The following TMEM255B variants were observed in gnomAD, a reference collection of about 807,000 sequenced individuals.
TMEM255B encodes the protein transmembrane protein 255B, also known as family with sequence similarity 70, member B.
In TMEM255B, 35 loss-of-function variants were observed where a neutral mutation model predicts 34.5. The observed-to-expected ratio is 1.01, with a 90% CI of 0.77 to 1.34. The LOEUF (loss-of-function observed/expected upper bound fraction) is 1.34, where lower values mean the gene tolerates loss of function less well. Ranked by LOEUF, TMEM255B falls within the 40% of genes most tolerant of loss-of-function variation. The pLI is 0.00. For missense variants in TMEM255B, 432 were observed against 433.2 expected (o/e 1.00, Z 0.02); for synonymous variants, 206 against 201.2 (o/e 1.02, Z -0.20).
chr13:113,786,459 CCAT>C (rs1456132319), intron 3 of TMEM255B, among the ~76,000 whole-genome samples: 1 of 151,842 alleles, frequency 6.6e-6, no homozygotes, highest in African/African-American at 2.4e-5. Flanking sequence ...ATCACCATCA[CCAT>C]CATCAGTGTC....
At position 113,800,812 on chromosome 13, in the gene TMEM255B, G is replaced by T; in HGVS notation, c.424-15G>T. ...GGGCACCGGCATGTGACCTGACAAG[G>T]CCTCTCTGCCCCAGGTCACCTGTCA... On this transcript the variant is annotated splice_polypyrimidine_tract_variant and intron_variant, in intron 5 of 8. Transcript: ENST00000375353. 6.3e-7 allele frequency: 1 copy of T among 1,598,218 alleles called. No individual in the cohort carries two copies. Among genetic ancestry groups the T allele is most frequent in the South Asian group, 1.1e-5 (1 of 88,400 alleles).
At chr13:113,771,403 C>T (rs557801228) in intron 3 of TMEM255B, among the ~76,000 whole-genome samples, 9 of 152,248 alleles carry the variant, frequency 5.9e-5, no homozygotes, top group South Asian at 4.1e-4. Flanking sequence ...CTATATGGGC[C>T]GGACACGGTG....
intron 2 of TMEM255B, chr13:113,768,354 G>A (rs748362547): frequency 4.7e-6 from 2 of 427,714 alleles, no homozygotes; most frequent in South Asian, 1.7e-5. Context: ...GGCCCTGGGT[G>A]GAGGGTGCGG....
intron 3 of TMEM255B, among the ~76,000 whole-genome samples, chr13:113,792,362 C>T (rs7491764): frequency 2.6e-5 from 4 of 152,088 alleles, no homozygotes; most frequent in African/African-American, 7.2e-5. Flanking sequence ...ACCTTCTGAC[C>T]GTAACATGGT....
At chr13:113,781,429 A>G (rs1051885667) in intron 3 of TMEM255B, among the ~76,000 whole-genome samples, 1 of 152,240 alleles carries the variant, frequency 6.6e-6, no homozygotes, top group East Asian at 1.9e-4. Context: ...GCCTCCTTAT[A>G]ATCTTTTTAC....
In TMEM255B at chr13:113,787,083, CAT is replaced by C. The variant is rs150111846; in HGVS notation, c.253-8064_253-8063del. ...GACTCTGACACTTTAATGAACAGAACATGTGAAAATATGTCATAATTAAATAA... is the reference window on the plus strand; with the variant it reads ...GACTCTGACACTTTAATGAACAGAACGTGAAAATATGTCATAATTAAATAA... On this transcript the variant is annotated intron_variant, in intron 3 of 8. Coordinates refer to ENST00000375353, the MANE Select transcript of TMEM255B (RefSeq NM_182614.4). Among the ~76,000 whole-genome samples the C allele has an allele frequency of 1.7e-3, 260 of 152,278 alleles. 1 individual carries two copies. Among genetic ancestry groups the C allele is most frequent in the African/African-American group, 5.9e-3 (246 of 41,556 alleles).
chr13:113,763,105 C>G (rs1012924188), intron 1 of TMEM255B, among the ~76,000 whole-genome samples: 9 of 152,144 alleles, frequency 5.9e-5, no homozygotes, highest in African/African-American at 2.2e-4. Context: ...GCTGCATTGG[C>G]AGGTGTTACA....
chr13:113,811,087 C>T (rs879563037), intron 8 of TMEM255B, among the ~76,000 whole-genome samples: 2 of 152,030 alleles, frequency 1.3e-5, no homozygotes, highest in Non-Finnish European at 1.5e-5. Flanking sequence ...AGGCCCCGGC[C>T]ACCCTCTCCT....
chr13:113,794,814 CAT>C (rs1401184774), intron 3 of TMEM255B, among the ~76,000 whole-genome samples: 2 of 152,242 alleles, frequency 1.3e-5, no homozygotes, highest in African/African-American at 4.8e-5. Flanking sequence ...CAAGCATGCA[CAT>C]GTGTGTGCGT....
intron 4 of TMEM255B, among the ~76,000 whole-genome samples, chr13:113,796,082 G>C (rs1331141080): frequency 1.3e-4 from 12 of 95,162 alleles, no homozygotes; most frequent in South Asian, 3.6e-4. Flanking sequence ...ACACACAACA[G>C]AGCACACAGC....
At chr13:113,792,042 G>A (rs1243099382) in intron 3 of TMEM255B, among the ~76,000 whole-genome samples, 2 of 152,374 alleles carry the variant, frequency 1.3e-5, no homozygotes, top group African/African-American at 2.4e-5. Context: ...ACGCGGCCCC[G>A]CTGGAGGCCG....
rs1361190778 is a variant in TMEM255B, at chr13:113,805,732, G to A, written c.813+704G>A. On this transcript the variant is annotated intron_variant, in intron 8 of 8. Coordinates refer to ENST00000375353, the MANE Select transcript of TMEM255B (RefSeq NM_182614.4). Reference sequence around the variant, plus strand: ...CCTCTGCCTGCGGCATATCAGAGCCGCCGGTGTGACAACCCAAACTCTCCG... The same window carrying A: ...CCTCTGCCTGCGGCATATCAGAGCCACCGGTGTGACAACCCAAACTCTCCG... Among the ~76,000 whole-genome samples, 9 of 152,324 alleles carry A rather than the reference G, an allele frequency of 5.9e-5. No individual in the cohort carries two copies. The East Asian group carries it at 7.7e-4, about 13-fold the overall frequency.
At chr13:113,801,891 G>T in intron 7 of TMEM255B, 79 bp downstream of exon 7, 1 of 1,413,198 alleles carries the variant, frequency 7.1e-7, no homozygotes, top group Middle Eastern at 2.5e-4. Flanking sequence ...GGGCTGGGGG[G>T]CCTCCAGCCC....
At chr13:113,763,124 G>C (rs2050334663) in intron 1 of TMEM255B, among the ~76,000 whole-genome samples, 1 of 152,178 alleles carries the variant, frequency 6.6e-6, no homozygotes, top group African/African-American at 2.4e-5. Flanking sequence ...CATGGAGGCT[G>C]GTGAGGGTGA....
rs1204021667 is a variant in TMEM255B, at chr13:113,812,953, TGGGTCACGGGCCC to T, written c.*1051_*1063del. On this transcript the variant is annotated 3_prime_UTR_variant, in exon 9 of 9. Coordinates refer to ENST00000375353, the MANE Select transcript of TMEM255B (RefSeq NM_182614.4). ...TCCCGGGTGGGTCACGGGTCCCGGG[TGGGTCACGGGCCC>T]CGGGTGGGTCACGGGTCCCGGGTGG... The T allele has an allele frequency of 1.4e-4, 19 of 138,850 alleles. No homozygotes were observed. The highest frequency in any genetic ancestry group is 5.4e-4 in the African/African-American group (19 of 35,136). 8.6% of individuals were successfully genotyped at this position (138,850 alleles called of 1,614,324 possible).
Position 113,801,772 on chromosome 13 carries a change from G to C in TMEM255B, c.629G>C (p.Gly210Ala). The stretch of plus-strand genomic sequence containing the variant: ...CTGAACGTCCTGGGCCTGTTCCTGG[G>C]CATCATCACCGCCGCCGTCCTGGGG... Reference protein sequence around the residue: ...AVLNVLGLFLGIITAAVLGAF... With the variant: ...AVLNVLGLFLAIITAAVLGAF... The change falls in exon 7 of 9, where the codon GGC (glycine) becomes GCC (alanine). Residue 210 changes from glycine (G) to alanine (A), a missense_variant. Coordinates refer to ENST00000375353, the MANE Select transcript of TMEM255B (RefSeq NM_182614.4). 1.9e-6 allele frequency: 3 copies of C among 1,612,404 alleles called. No individual in the cohort carries two copies. The highest frequency in any genetic ancestry group is 2.5e-6 in the Non-Finnish European group (3 of 1,179,354).
chr13:113,767,061 A>G (rs2050404262), intron 2 of TMEM255B, among the ~76,000 whole-genome samples: 1 of 152,232 alleles, frequency 6.6e-6, no homozygotes. Context: ...CTACGTCATA[A>G]AGTGCTAAAG....
In TMEM255B at chr13:113,769,318, G is replaced by T. The variant is rs1407166660; in HGVS notation, c.252+158G>T. Among the ~76,000 whole-genome samples the T allele has an allele frequency of 2.0e-5, 3 of 152,160 alleles. No homozygotes were observed. Among genetic ancestry groups the T allele is most frequent in the African/African-American group, 7.2e-5 (3 of 41,430 alleles). On this transcript the variant is annotated intron_variant, in intron 3 of 8. Coordinates refer to ENST00000375353, the MANE Select transcript of TMEM255B (RefSeq NM_182614.4). This position sits in a 1 kb window ranked among gnomAD's most constrained non-coding sequence, Gnocchi z 4.2. ...CCGGGCTGTGGCCTGCACAGTCCTG[G>T]ATACAGGGTTCAGCGAGTACCATTC...
rs985523869 is a variant in TMEM255B, at chr13:113,769,385, A to G, written c.252+225A>G. 1.3e-5 allele frequency among the ~76,000 whole-genome samples: 2 copies of G among 152,212 alleles called. No individual in the cohort carries two copies. The highest frequency in any genetic ancestry group is 1.9e-4 in the East Asian group (1 of 5,192). ...GAGCATGGCCCTGGGTTGCTGGTGT[A>G]TCAACCTCACGTGGTGTGCAACCAC... On this transcript the variant is annotated intron_variant, in intron 3 of 8. Coordinates refer to ENST00000375353, the MANE Select transcript of TMEM255B (RefSeq NM_182614.4). This position sits in a 1 kb window ranked among gnomAD's most constrained non-coding sequence, Gnocchi z 4.2.
Sources: gnomAD v4.1 joint callset for allele counts (sites outside exome capture counted in the v4.1 genomes callset) on GRCh38, gnomAD v4.1.1 for gene constraint, Gnocchi (gnomAD v3.1) non-coding constraint, MANE v1.5 for transcripts, NCBI Gene and HGNC (gene_info 2026-07-23, HGNC 2026-07-21) for gene names.